Variants in STRN3 observed in about 807,000 individuals in gnomAD.
The protein encoded by STRN3 is striatin-3.
A neutral mutation model predicts 95.6 loss-of-function variants in STRN3; 29 were observed. The observed-to-expected ratio is 0.30, with a 90% CI of 0.23 to 0.41. The LOEUF (loss-of-function observed/expected upper bound fraction) is 0.41, where lower values mean the gene tolerates loss of function less well. STRN3 is among the 10% of genes least tolerant of loss of function. The pLI is 1.00. For missense variants in STRN3, 890 were observed against 972.1 expected, an observed-to-expected ratio of 0.92 and a Z score of 1.12; for synonymous variants, 331 against 357.6, an observed-to-expected ratio of 0.93 and a Z score of 0.84.
intron 1 of STRN3, among the ~76,000 whole-genome samples, chr14:30,981,995 C>A (rs2139229504): frequency 6.8e-6 from 1 of 147,208 alleles, no homozygotes; most frequent in Middle Eastern, 3.6e-3. Context: ...ACTTGGGAGG[C>A]TGAGGCAGGG....
chr14:31,007,762 C>T (rs1882784568), intron 1 of STRN3, among the ~76,000 whole-genome samples: 1 of 151,898 alleles, frequency 6.6e-6, no homozygotes, highest in South Asian at 2.1e-4. Context: ...AAAAAACAGC[C>T]AGGTGTGATG....
chr14:30,905,710 T>C (rs2072525458), intron 14 of STRN3, 152 bp from the exon 15 acceptor site: 6 of 776,510 alleles, frequency 7.7e-6, no homozygotes, highest in South Asian at 6.4e-5. Context: ...TGTGTCAGGA[T>C]GGTGAGATAA....
At chr14:30,905,587 A>G in intron 14 of STRN3, 29 bp from the exon 15 acceptor site, 1 of 1,561,716 alleles carries the variant, frequency 6.4e-7, no homozygotes, top group Non-Finnish European at 8.6e-7. Flanking sequence ...CAGACAATGT[A>G]AACAAAGTAA....
Position 30,899,900 on chromosome 14 carries a change from A to G in STRN3, c.2137+2636T>C, listed in dbSNP as rs80135550. On this transcript the variant is annotated intron_variant, in intron 16 of 17. Coordinates refer to ENST00000357479, the MANE Select transcript of STRN3 (RefSeq NM_001083893.2). ...TTAAATAATTATTGAACCTATTCAT[A>G]GCATAAAGTTCTATCATGTTTCAGA... Among the ~76,000 whole-genome samples the G allele has an allele frequency of 3.0e-3, 455 of 152,352 alleles. 3 individuals carry two copies. The highest frequency in any genetic ancestry group is 0.01 in the African/African-American group (434 of 41,570).
intron 5 of STRN3, among the ~76,000 whole-genome samples, chr14:30,943,945 A>G (rs1026193765): frequency 5.3e-5 from 8 of 152,060 alleles, no homozygotes; most frequent in Non-Finnish European, 1.5e-5. Flanking sequence ...AAAGTTCCAG[A>G]GAGTTGGAAC....
intron 1 of STRN3, among the ~76,000 whole-genome samples, chr14:30,958,368 T>C (rs996953052): frequency 1.7e-4 from 26 of 152,254 alleles, no homozygotes; most frequent in Admixed American, 8.5e-4. Context: ...TAAATACATA[T>C]TTTAAAAATT....
At chr14:30,929,935 G>C (rs1465778856) in intron 7 of STRN3, among the ~76,000 whole-genome samples, 1 of 43,118 alleles carries the variant, frequency 2.3e-5, no homozygotes. Flanking sequence ...TTCTTCCATT[G>C]GTCTACAACT....
intron 1 of STRN3, among the ~76,000 whole-genome samples, chr14:31,009,318 C>T (rs1197495798): frequency 6.6e-6 from 1 of 152,020 alleles, no homozygotes; most frequent in East Asian, 1.9e-4. Context: ...ACATTTTGGG[C>T]TAATATTTTA....
At chr14:30,908,397 CTTTTCTTTG>C (rs1896522928) in intron 13 of STRN3, among the ~76,000 whole-genome samples, 1 of 152,150 alleles carries the variant, frequency 6.6e-6, no homozygotes, top group Non-Finnish European at 1.5e-5. Flanking sequence ...AAATTTAATA[CTTTTCTTTG>C]ATGATACAAA....
At chr14:30,913,395 A>T in intron 10 of STRN3, 129 bp downstream of exon 10, 1 of 1,071,992 alleles carries the variant, frequency 9.3e-7, no homozygotes, top group Non-Finnish European at 1.3e-6. Flanking sequence ...ATGTCACTTC[A>T]AATCAACACA....
chr14:30,904,533 CT>C (rs957909481), intron 15 of STRN3, among the ~76,000 whole-genome samples: 1 of 152,082 alleles, frequency 6.6e-6, no homozygotes, highest in African/African-American at 2.4e-5. Context: ...TTTATCTTGC[CT>C]TTTTCCTTAA....
In STRN3 at chr14:30,936,514, T is replaced by C; in HGVS notation, c.827A>G (p.His276Arg). The change falls in exon 6 of 18, where the codon CAT becomes CGT. Residue 276 changes from histidine to arginine, a missense_variant. Physicochemically the swap from His to Arg is conservative, Grantham distance 29. Transcript: ENST00000357479. ...TCCTACTTTATGTTTATTCATCCGA[T>C]GTTTGTCTTTTCCTTCTGGGATGCC... ...IEGIPEGKDKHRMNKHKIGNE... is the reference protein window; with the variant it reads ...IEGIPEGKDKRRMNKHKIGNE... 1.9e-6 allele frequency: 3 copies of C among 1,613,394 alleles called. No individual in the cohort carries two copies. The highest frequency in any genetic ancestry group is 2.5e-6 in the Non-Finnish European group (3 of 1,179,764).
intron 1 of STRN3, chr14:31,025,511 C>G (rs1883785225): frequency 4.6e-6 from 1 of 217,142 alleles, no homozygotes; most frequent in South Asian, 6.1e-5. Context: ...TCTTCGGGCT[C>G]TTCATCTCAA....
intron 8 of STRN3, among the ~76,000 whole-genome samples, chr14:30,921,106 ACTTC>A (rs1207541327): frequency 6.6e-6 from 1 of 150,680 alleles, no homozygotes; most frequent in Non-Finnish European, 1.5e-5. Context: ...ACACACACAC[ACTTC>A]CTTATCTTCT....
intron 16 of STRN3, among the ~76,000 whole-genome samples, chr14:30,896,330 T>C (rs1383137969): frequency 6.6e-6 from 1 of 152,170 alleles, no homozygotes; most frequent in Non-Finnish European, 1.5e-5. Context: ...CTCAAGATCG[T>C]GTAAACTGGA....
intron 1 of STRN3, among the ~76,000 whole-genome samples, chr14:31,012,180 C>T (rs1883001583): frequency 6.6e-6 from 1 of 152,192 alleles, no homozygotes; most frequent in Admixed American, 6.6e-5. Context: ...ATATTGTTAC[C>T]CTTATCCATT....
intron 1 of STRN3, among the ~76,000 whole-genome samples, chr14:31,005,205 G>A (rs1882659885): frequency 6.6e-6 from 1 of 152,086 alleles, no homozygotes; most frequent in Non-Finnish European, 1.5e-5. Flanking sequence ...GGTGGCACAC[G>A]CCAGAAGTCC....
At chr14:30,925,360 A>C (rs566558778) in intron 8 of STRN3, among the ~76,000 whole-genome samples, 126 of 152,288 alleles carry the variant, frequency 8.3e-4, no homozygotes, top group African/African-American at 2.7e-3. Flanking sequence ...TACAAAGTTA[A>C]GAAGTCAGTA....
chr14:30,959,491 G>A (rs1880083021), intron 1 of STRN3, among the ~76,000 whole-genome samples: 1 of 151,826 alleles, frequency 6.6e-6, no homozygotes, highest in Non-Finnish European at 1.5e-5. Flanking sequence ...AAAAGGTAAA[G>A]GTTATACCTG....
Sources: allele counts gnomAD v4.1 joint callset (sites outside exome capture counted in the v4.1 genomes callset), GRCh38; gene constraint gnomAD v4.1.1; transcripts MANE v1.5; gene names NCBI Gene and HGNC (gene_info 2026-07-23, HGNC 2026-07-21).